The following CALM2 variants were observed in gnomAD, a reference collection of about 807,000 sequenced individuals.
CALM2 encodes the protein calmodulin 2, also known as calmodulin-2.
A neutral mutation model predicts 19.8 loss-of-function variants in CALM2; 2 were observed. That is an observed-to-expected ratio of 0.10 (90% CI 0.04 to 0.32). The LOEUF (loss-of-function observed/expected upper bound fraction) is 0.32, where lower values mean the gene tolerates loss of function less well. CALM2 is among the 10% of genes least tolerant of loss of function. The pLI is 1.00. For synonymous variants in CALM2, 51 were observed against 52.1 expected, an observed-to-expected ratio of 0.98 and a Z score of 0.09; for missense variants, 38 against 178.7, an observed-to-expected ratio of 0.21 and a Z score of 4.49.
upstream of CALM2, chr2:47,176,708 G>A (rs1666886417): frequency 7.1e-6 from 10 of 1,401,834 alleles, no homozygotes; most frequent in South Asian, 1.4e-4. Context: ...GATGACGTAA[G>A]TGGGTTTCAT....
In CALM2 at chr2:47,160,167, G is replaced by C. The variant is rs1687112733; in HGVS notation, c.*609C>G. On this transcript the variant is annotated 3_prime_UTR_variant, in exon 6 of 6. Coordinates refer to ENST00000272298, the MANE Select transcript of CALM2 (RefSeq NM_001743.6). Reference sequence around the variant, plus strand: ...TGACTCAGATGCAGAGCAACCATTGGGTAAATTGTAATTTTTTTATTGGAA... The same window carrying C: ...TGACTCAGATGCAGAGCAACCATTGCGTAAATTGTAATTTTTTTATTGGAA... The C allele has an allele frequency of 6.6e-6, 1 of 152,506 alleles. No homozygotes were observed. The highest frequency in any genetic ancestry group is 2.1e-4 in the South Asian group (1 of 4,826). The allele number at this position is 152,506 out of a possible 1,614,324, so 9.4% of individuals were successfully genotyped here. A position where few individuals can be genotyped will look rare whatever the true frequency, so the allele number is the denominator to read the frequency against.
At chr2:47,167,016 C>T (rs990131676) in intron 2 of CALM2, among the ~76,000 whole-genome samples, 9 of 152,146 alleles carry the variant, frequency 5.9e-5, no homozygotes, top group African/African-American at 1.9e-4. Context: ...ATTAAAATAA[C>T]ATGTTTTAAA....
intron 1 of CALM2, chr2:47,171,769 T>C (rs1254442029): frequency 2.0e-5 from 3 of 152,156 alleles, no homozygotes; most frequent in Non-Finnish European, 4.4e-5. Flanking sequence ...AAGTATACAA[T>C]GATTAATCCA....
chr2:47,175,748 C>G (rs1666838453), intron 1 of CALM2, among the ~76,000 whole-genome samples: 1 of 151,238 alleles, frequency 6.6e-6, no homozygotes. Context: ...CCTGCAGGTG[C>G]CAGCAGAGCA....
rs1040779652 is a variant in CALM2, at chr2:47,162,099, C to T, written c.285+187G>A. 8.7e-5 allele frequency among the ~76,000 whole-genome samples: 11 copies of T among 127,134 alleles called. No homozygotes were observed. In the Admixed American group the frequency reaches 9.0e-4, roughly 10 times the overall value. The allele number at this position is 127,134 out of a possible 152,430, so 83.4% of individuals were successfully genotyped here. A position where few individuals can be genotyped will look rare whatever the true frequency, so the allele number is the denominator to read the frequency against. On this transcript the variant is annotated intron_variant, in intron 4 of 5. Transcript: ENST00000272298. ...CTCCTTTGACAAGATGAACGCAATA[C>T]ATATATTAGAAAGTCTATACTGAAT...
At chr2:47,173,909 G>C (rs1666760013) in intron 1 of CALM2, 1 of 152,172 alleles carries the variant, frequency 6.6e-6, no homozygotes, top group Admixed American at 6.5e-5. Context: ...CTCACCAAAA[G>C]ATCACTGGAA....
intron 2 of CALM2, 122 bp downstream of exon 2, chr2:47,170,612 A>G (rs1219423240): frequency 1.9e-5 from 15 of 786,344 alleles, no homozygotes; most frequent in Non-Finnish European, 2.7e-5. Context: ...TATTATACCC[A>G]TATGTTAGTA....
rs1666641843 is a variant in CALM2, at chr2:47,170,856, T to C, written c.4-92A>G. ...GTTTAAAACCTTTCAAGGGTTACCA[T>C]GTACTGTTTCATTTAGTTCCAGCAA... On this transcript the variant is annotated intron_variant, in intron 1 of 5. Coordinates refer to ENST00000272298, the MANE Select transcript of CALM2 (RefSeq NM_001743.6). 4 of 985,538 alleles carry C rather than the reference T, an allele frequency of 4.1e-6. No individual in the cohort carries two copies. The Admixed American group carries it at 5.1e-5, about 13-fold the overall frequency. The allele number at this position is 985,538 out of a possible 1,614,324, so 61.0% of individuals were successfully genotyped here.
intron 2 of CALM2, among the ~76,000 whole-genome samples, chr2:47,165,877 C>G (rs1381767449): frequency 1.3e-5 from 2 of 152,214 alleles, no homozygotes; most frequent in African/African-American, 4.8e-5. Context: ...AATCTGTCAA[C>G]AGGTCTCGAA....
At chr2:47,171,007 A>G (rs1372510002) in intron 1 of CALM2, 6 of 450,916 alleles carry the variant, frequency 1.3e-5, no homozygotes, top group Non-Finnish European at 2.4e-5. Flanking sequence ...TTTAGAATCC[A>G]ATAGAAACAT....
chr2:47,160,853 A>AC, intron 5 of CALM2, 49 bp from the exon 6 acceptor site: 1 of 50,904 alleles, frequency 2.0e-5, no homozygotes, highest in Non-Finnish European at 4.2e-5. Context: ...AAAAGACCAA[A>AC]AAAAAAAAAA....
chr2:47,161,208 A>G (rs541110141), intron 5 of CALM2, among the ~76,000 whole-genome samples: 1 of 152,296 alleles, frequency 6.6e-6, no homozygotes, highest in South Asian at 2.1e-4. Flanking sequence ...ACAGAGTTTT[A>G]CTCAAAATCC....
rs1482012089 is a variant in CALM2, at chr2:47,171,418, C to T, written c.4-654G>A. ...GCTAAAACCCATTATAAATTTTATC[C>T]TTATTCAATCTTAATAATAACCTTA... On this transcript the variant is annotated intron_variant, in intron 1 of 5. Transcript: ENST00000272298. 3.9e-5 allele frequency: 6 copies of T among 152,512 alleles called. No individual in the cohort carries two copies. The South Asian group carries it at 1.0e-3, about 26-fold the overall frequency. 9.4% of individuals were successfully genotyped at this position (152,512 alleles called of 1,614,324 possible). A position where few individuals can be genotyped will look rare whatever the true frequency, so the allele number is the denominator to read the frequency against.
At chr2:47,166,851 C>G (rs1395639126) in intron 2 of CALM2, among the ~76,000 whole-genome samples, 1 of 152,148 alleles carries the variant, frequency 6.6e-6, no homozygotes, top group Non-Finnish European at 1.5e-5. Context: ...GAACAGCTAT[C>G]TTCTACATAA....
intron 1 of CALM2, among the ~76,000 whole-genome samples, chr2:47,175,081 G>GTTT (rs563702873): frequency 2.2e-4 from 17 of 77,944 alleles, no homozygotes; most frequent in African/African-American, 3.7e-4. Context: ...CTCATTAGGT[G>GTTT]TTTTTTTTTT....
chr2:47,169,784 C>G (rs886351804), intron 2 of CALM2, among the ~76,000 whole-genome samples: 1 of 151,992 alleles, frequency 6.6e-6, no homozygotes, highest in African/African-American at 2.4e-5. Flanking sequence ...CTATATAGTT[C>G]CAACTGGGCT....
At chr2:47,176,300 T>C (rs768940224) in intron 1 of CALM2, 141 bp downstream of exon 1, 93 of 1,007,656 alleles carry the variant, frequency 9.2e-5, no homozygotes, top group Non-Finnish European at 1.3e-4. Flanking sequence ...GTCGCCGGCA[T>C]CCCTGGCCTC....
At chr2:47,166,388 A>G (rs780756767) in intron 2 of CALM2, among the ~76,000 whole-genome samples, 1 of 152,196 alleles carries the variant, frequency 6.6e-6, no homozygotes, top group Admixed American at 6.5e-5. Flanking sequence ...TCACCTTTCT[A>G]TTACATGATT....
In CALM2 at chr2:47,162,707, A is replaced by C. The variant is rs775941573; in HGVS notation, c.35-45T>G. On this transcript the variant is annotated intron_variant, in intron 2 of 5. Transcript: ENST00000272298. ...CAATCCAAATACACAGATTAATAAT[A>C]AAATGTAACCTAAATGAAACGTATT... The C allele has an allele frequency of 5.4e-6, 8 of 1,477,420 alleles. No individual in the cohort carries two copies. The Middle Eastern group carries it at 1.4e-3, about 264-fold the overall frequency. The allele number at this position is 1,477,420 out of a possible 1,614,324, so 91.5% of individuals were successfully genotyped here. A position where few individuals can be genotyped will look rare whatever the true frequency, so the allele number is the denominator to read the frequency against.
Sources: allele counts gnomAD v4.1 joint callset (sites outside exome capture counted in the v4.1 genomes callset), GRCh38; gene constraint gnomAD v4.1.1; transcripts MANE v1.5; gene names NCBI Gene and HGNC (gene_info 2026-07-23, HGNC 2026-07-21).